SMCO2: variants seen among roughly 807,000 people sequenced by gnomAD.
SMCO2 encodes single-pass membrane and coiled-coil domain-containing protein 2.
Under a neutral mutation model 29.5 loss-of-function variants are expected in SMCO2, and 25 were observed. The observed-to-expected ratio is 0.85, with a 90% CI of 0.62 to 1.18. The LOEUF (loss-of-function observed/expected upper bound fraction) is 1.18. SMCO2 is among the 50% of genes most tolerant of loss of function. The pLI is 0.00. For synonymous variants in SMCO2, 117 were observed against 123.3 expected (o/e 0.95, Z 0.34); for missense variants, 348 against 344.5 (o/e 1.01, Z -0.08).
rs1332333329 is a variant in SMCO2 at position 27,501,428 on chromosome 12, AAAAAAAAAAC to A, written c.684-491_684-482del. Among the ~76,000 whole-genome samples the A allele has an allele frequency of 3.4e-5, 5 of 146,326 alleles. No individual in the cohort carries two copies. In the East Asian group the frequency reaches 7.8e-4, roughly 23 times the overall value. ...GAGACTCCGTCTCAAAAAAAAAAAA[AAAAAAAAAAC>A]AAACAAACAAAACAAAACAAAAAAA... On this transcript the variant is annotated intron_variant, in intron 7 of 7. Coordinates refer to ENST00000298876, the Ensembl canonical transcript of SMCO2.
At chr12:27,427,601 T>G in the SMCO2 span, among the ~76,000 whole-genome samples, 1 of 152,100 alleles carries the variant, frequency 6.6e-6, no homozygotes, top group Non-Finnish European at 1.5e-5. Flanking sequence ...AAGGCACCCT[T>G]GAAGGGGAAA....
intron 4 of SMCO2, among the ~76,000 whole-genome samples, chr12:27,478,639 G>C (rs1163600559): frequency 6.6e-6 from 1 of 152,096 alleles, no homozygotes; most frequent in Non-Finnish European, 1.5e-5. Context: ...TGGGCAGGCT[G>C]GTCCCTAAGC....
chr12:27,497,642 A>G (rs1052044694), intron 7 of SMCO2: 2 of 153,270 alleles, frequency 1.3e-5, no homozygotes, highest in African/African-American at 5.1e-5. Flanking sequence ...AGGTGGGACT[A>G]TCACCTGAGC....
chr12:27,484,543 T>G (rs1196076874), intron 4 of SMCO2, among the ~76,000 whole-genome samples: 4 of 152,200 alleles, frequency 2.6e-5, no homozygotes, highest in Non-Finnish European at 5.9e-5. Flanking sequence ...AAGATGCTGT[T>G]GAAATCTGGT....
At chr12:27,485,285 A>C (rs1439238316) in intron 4 of SMCO2, among the ~76,000 whole-genome samples, 1 of 151,970 alleles carries the variant, frequency 6.6e-6, no homozygotes, top group Non-Finnish European at 1.5e-5. Context: ...TGTCTATAGA[A>C]GTTTGATCTG....
At chr12:27,461,501 G>T in the SMCO2 span, among the ~76,000 whole-genome samples, 4 of 152,150 alleles carry the variant, frequency 2.6e-5, no homozygotes, top group Non-Finnish European at 5.9e-5. Context: ...GTAAGAGCAT[G>T]CAGTATTTGG....
intron 5 of SMCO2, among the ~76,000 whole-genome samples, chr12:27,491,330 C>G (rs1012197618): frequency 1.1e-4 from 16 of 149,524 alleles, no homozygotes; most frequent in Non-Finnish European, 1.8e-4. Context: ...TAATATTGAG[C>G]CCCCAAGCCA....
chr12:27,450,148 G>C, the SMCO2 span, among the ~76,000 whole-genome samples: 3 of 152,208 alleles, frequency 2.0e-5, no homozygotes, highest in African/African-American at 7.2e-5. Context: ...GGTCTGTGGA[G>C]CCTCTGGCTG....
the SMCO2 span, among the ~76,000 whole-genome samples, chr12:27,428,976 A>G: frequency 5.0e-3 from 759 of 152,234 alleles, 4 homozygotes; most frequent in African/African-American, 0.017. Context: ...ATGTAGACGA[A>G]TATCACATAA....
chr12:27,444,451 G>T, the SMCO2 span, among the ~76,000 whole-genome samples: 1 of 152,168 alleles, frequency 6.6e-6, no homozygotes, highest in South Asian at 2.1e-4. Flanking sequence ...GATTTCTTGT[G>T]TAAGACCTCA....
the SMCO2 span, among the ~76,000 whole-genome samples, chr12:27,446,281 G>A: frequency 6.6e-6 from 1 of 152,168 alleles, no homozygotes; most frequent in Non-Finnish European, 1.5e-5. Flanking sequence ...AGGAGGGGAA[G>A]GGGAGAGAGA....
chr12:27,465,028 C>CAAAAAAAAAAAAAAAAAAAAAAAAAA (rs35630976), upstream of SMCO2, among the ~76,000 whole-genome samples: 1 of 60,564 alleles, frequency 1.7e-5, no homozygotes, highest in African/African-American at 6.0e-5. Flanking sequence ...GACCCTGTCT[C>CAAAAAAAAAAAAAAAAAAAAAAAAAA]AAAAAAAAAA....
the SMCO2 span, among the ~76,000 whole-genome samples, chr12:27,456,559 C>A: frequency 6.6e-6 from 1 of 152,140 alleles, no homozygotes; most frequent in Admixed American, 6.5e-5. Flanking sequence ...GCTGGGACTA[C>A]GGGTGTGCAC....
the SMCO2 span, among the ~76,000 whole-genome samples, chr12:27,455,134 G>A: frequency 1.3e-5 from 2 of 152,214 alleles, no homozygotes; most frequent in Admixed American, 6.5e-5. Flanking sequence ...GGAGGCCCCA[G>A]ACTGTTCCAG....
intron 6 of SMCO2, among the ~76,000 whole-genome samples, chr12:27,495,380 T>A (rs559820980): frequency 6.6e-6 from 1 of 150,998 alleles, no homozygotes; most frequent in South Asian, 2.1e-4. Flanking sequence ...TTTGCATAGA[T>A]GAACGAGTTG....
chr12:27,452,711 C>T, the SMCO2 span, among the ~76,000 whole-genome samples: 1 of 152,186 alleles, frequency 6.6e-6, no homozygotes. Flanking sequence ...TGGTCTTAAA[C>T]TGCTGTGCTC....
At chr12:27,425,235 T>C in the SMCO2 span, 20 of 152,308 alleles carry the variant, frequency 1.3e-4, no homozygotes, top group African/African-American at 4.8e-4. Flanking sequence ...TTATATTTTA[T>C]AATTACTCAT....
At chr12:27,467,009 T>A (rs1949503624) in intron 1 of SMCO2, 1 of 152,226 alleles carries the variant, frequency 6.6e-6, no homozygotes. Flanking sequence ...CGTCTCATTA[T>A]GACCTTGTCA....
chr12:27,477,222 T>G (rs1055137676), intron 4 of SMCO2, among the ~76,000 whole-genome samples: 3 of 138,818 alleles, frequency 2.2e-5, no homozygotes, highest in Admixed American at 6.9e-5. Context: ...TTTTTTTTTT[T>G]TTTTTTTTTT....
Sources: allele counts gnomAD v4.1 joint callset (sites outside exome capture counted in the v4.1 genomes callset), GRCh38; gene constraint gnomAD v4.1.1; transcripts MANE v1.5; gene names NCBI Gene and HGNC (gene_info 2026-07-23, HGNC 2026-07-21).